The following LIMS1 variants were observed in gnomAD, a reference collection of about 807,000 sequenced individuals.
LIMS1 encodes the protein LIM and senescent cell antigen-like-containing domain protein 1.
Under a neutral mutation model 44.1 loss-of-function variants are expected in LIMS1, and 18 were observed. The observed-to-expected ratio is 0.41, with a 90% confidence interval of 0.28 to 0.61. The LOEUF is 0.61. LIMS1 is among the 20% of genes least tolerant of loss of function. The probability of loss-of-function intolerance (pLI) is 0.32; values close to 1 mark genes in which losing one functional copy is unlikely to be tolerated. For missense variants in LIMS1, 201 were observed against 422.0 expected, an observed-to-expected ratio of 0.48 and a Z score of 4.59; for synonymous variants, 93 against 149.1, an observed-to-expected ratio of 0.62 and a Z score of 2.74.
chr2:108,632,186 G>C (rs1349095584), intron 1 of LIMS1, among the ~76,000 whole-genome samples: 1 of 152,112 alleles, frequency 6.6e-6, no homozygotes, highest in African/African-American at 2.4e-5. Context: ...GGCCAGGCTG[G>C]TCTCGAACTC....
At chr2:108,627,733 C>G (rs2148887727) in intron 1 of LIMS1, among the ~76,000 whole-genome samples, 1 of 152,244 alleles carries the variant, frequency 6.6e-6, no homozygotes, top group South Asian at 2.1e-4. Context: ...CTTAGAGACA[C>G]AGCAACTGAT....
At chr2:108,598,103 C>T (rs1686810989) in intron 1 of LIMS1, among the ~76,000 whole-genome samples, 2 of 151,698 alleles carry the variant, frequency 1.3e-5, no homozygotes. Context: ...CAATTATGAG[C>T]ACCCACTGTG....
intron 1 of LIMS1, among the ~76,000 whole-genome samples, chr2:108,612,043 CACACACACACAT>C (rs1392081539): frequency 8.2e-5 from 11 of 134,584 alleles, no homozygotes; most frequent in African/African-American, 1.4e-4. Flanking sequence ...CACACACACA[CACACACACACAT>C]ATATATATAT....
chr2:108,628,053 C>A (rs1390977393), intron 1 of LIMS1, among the ~76,000 whole-genome samples: 1 of 152,220 alleles, frequency 6.6e-6, no homozygotes, highest in African/African-American at 2.4e-5. Flanking sequence ...TTCCTTTCCT[C>A]TCCAAGCACC....
rs566844770 is a variant in LIMS1 at position 108,559,479 on chromosome 2, A to G, written c.32+24885A>G. On this transcript the variant is annotated intron_variant, in intron 1 of 9. Coordinates refer to ENST00000544547, the Ensembl canonical transcript of LIMS1. The stretch of plus-strand genomic sequence containing the variant: ...AATAAGACTTTCTCATTGCGGTCTT[A>G]TAATCAACTCTCTTAATTTTTAAAA... Among the ~76,000 whole-genome samples, 6 of 152,338 alleles carry G rather than the reference A, an allele frequency of 3.9e-5. No individual in the cohort carries two copies. In the South Asian group the frequency reaches 1.2e-3, roughly 32 times the overall value.
At chr2:108,537,377 T>C (rs930018023) in intron 1 of LIMS1, among the ~76,000 whole-genome samples, 2 of 152,226 alleles carry the variant, frequency 1.3e-5, no homozygotes, top group African/African-American at 4.8e-5. Flanking sequence ...CTCTTAAAAT[T>C]GCTCTTGAAT....
intron 1 of LIMS1, among the ~76,000 whole-genome samples, chr2:108,539,885 A>G (rs1028058878): frequency 3.9e-5 from 6 of 152,054 alleles, no homozygotes; most frequent in East Asian, 1.9e-4. Context: ...TTCCCTCCCT[A>G]TAGCCACCTT....
chr2:108,594,263 G>T (rs772342854), intron 1 of LIMS1, among the ~76,000 whole-genome samples: 3 of 152,098 alleles, frequency 2.0e-5, no homozygotes, highest in Non-Finnish European at 2.9e-5. Flanking sequence ...GAAGTGATTA[G>T]AGTGGAGAAA....
intron 1 of LIMS1, chr2:108,588,496 G>T: frequency 1.0e-6 from 1 of 985,706 alleles, no homozygotes; most frequent in Non-Finnish European, 1.2e-6. Context: ...GGAGCTGGAG[G>T]TGGCTCAGGT....
chr2:108,639,328 C>T (rs771050535), intron 1 of LIMS1, among the ~76,000 whole-genome samples: 14 of 152,184 alleles, frequency 9.2e-5, no homozygotes, highest in South Asian at 2.1e-4. Context: ...TCCAGAAAAT[C>T]GTATGTCCTT....
At chr2:108,642,335 GTT>G (rs1332814174) in intron 1 of LIMS1, among the ~76,000 whole-genome samples, 33 of 34,154 alleles carry the variant, frequency 9.7e-4, no homozygotes, top group South Asian at 9.1e-3. Flanking sequence ...AGCTACTAGT[GTT>G]TTTTGTTTTT....
chr2:108,621,346 G>C, intron 1 of LIMS1: 1 of 1,550,108 alleles, frequency 6.5e-7, no homozygotes, highest in Non-Finnish European at 8.7e-7. Context: ...TTGATGTGTG[G>C]AGAGAAGTAT....
intron 8 of LIMS1, among the ~76,000 whole-genome samples, chr2:108,680,119 C>G (rs1393065559): frequency 6.6e-6 from 1 of 151,834 alleles, no homozygotes; most frequent in Non-Finnish European, 1.5e-5. Flanking sequence ...GCTTGTAATC[C>G]CAGCACTCTG....
At chr2:108,538,199 C>T (rs1378234289) in intron 1 of LIMS1, among the ~76,000 whole-genome samples, 2 of 152,212 alleles carry the variant, frequency 1.3e-5, no homozygotes, top group South Asian at 2.1e-4. Context: ...GCTGCACTAC[C>T]TGTTGCCATA....
rs796939308 is a variant in LIMS1 at position 108,681,452 on chromosome 2, G to A, written c.899+682G>A. 7.1e-5 allele frequency: 69 copies of A among 973,936 alleles called. No individual in the cohort carries two copies. The African/African-American group carries it at 1.0e-3, about 15-fold the overall frequency. 60.3% of individuals were successfully genotyped at this position (973,936 alleles called of 1,614,324 possible). A position where few individuals can be genotyped will look rare whatever the true frequency, so the allele number is the denominator to read the frequency against. On this transcript the variant is annotated intron_variant, in intron 9 of 9. Coordinates refer to ENST00000544547, the Ensembl canonical transcript of LIMS1. Reference sequence around the variant, plus strand: ...CTTTTTTTTTTAATGGATTTAAAGGGAAGAATTCTAATCTCTTAATAGACC... The same window carrying A: ...CTTTTTTTTTTAATGGATTTAAAGGAAAGAATTCTAATCTCTTAATAGACC...
intron 1 of LIMS1, among the ~76,000 whole-genome samples, chr2:108,581,085 G>C (rs985623206): frequency 6.6e-6 from 1 of 152,140 alleles, no homozygotes; most frequent in Non-Finnish European, 1.5e-5. Flanking sequence ...CCTTAGGCAG[G>C]TTTGGGTCTG....
intron 1 of LIMS1, among the ~76,000 whole-genome samples, chr2:108,642,107 A>G (rs913772297): frequency 7.9e-5 from 12 of 152,294 alleles, no homozygotes; most frequent in Admixed American, 1.3e-4. Context: ...AGCTTCATCT[A>G]GTAGTTGTTA....
intron 1 of LIMS1, among the ~76,000 whole-genome samples, chr2:108,585,860 T>G (rs1359439252): frequency 1.3e-5 from 2 of 151,998 alleles, no homozygotes; most frequent in Admixed American, 6.6e-5. Context: ...CAGATTGCAG[T>G]AGGTTGATGA....
chr2:108,666,738 A>C (rs1433445807), intron 2 of LIMS1, among the ~76,000 whole-genome samples: 1 of 148,022 alleles, frequency 6.8e-6, no homozygotes, highest in East Asian at 2.0e-4. Flanking sequence ...ACAGTGAGCT[A>C]TAATCATGCC....
Sources: gnomAD v4.1 joint callset for allele counts (sites outside exome capture counted in the v4.1 genomes callset) on GRCh38, gnomAD v4.1.1 for gene constraint, MANE v1.5 for transcripts, NCBI Gene and HGNC (gene_info 2026-07-23, HGNC 2026-07-21) for gene names.